CORIN: variants seen among roughly 807,000 people sequenced by gnomAD.
CORIN encodes the protein corin, serine peptidase.
In CORIN, 117 loss-of-function variants were observed where a neutral mutation model predicts 125.3. The observed-to-expected ratio is 0.93, with a 90% CI of 0.80 to 1.09. The LOEUF is 1.09. Ranked by LOEUF, CORIN falls within the 50% of genes least tolerant of loss-of-function variation. CORIN has a pLI of 0.00. For synonymous variants in CORIN, 450 were observed against 466.4 expected (o/e 0.96, Z 0.45); for missense variants, 1,253 against 1,306.7 (o/e 0.96, Z 0.63).
intron 3 of CORIN, among the ~76,000 whole-genome samples, chr4:47,766,053 G>A (rs111844708): frequency 1.0e-3 from 154 of 152,306 alleles, no homozygotes; most frequent in African/African-American, 3.6e-3. Flanking sequence ...TCTTTGAAAA[G>A]TAGCCGGTTC....
chr4:47,822,569 C>T (rs563716603), intron 1 of CORIN, among the ~76,000 whole-genome samples: 1 of 152,302 alleles, frequency 6.6e-6, no homozygotes, highest in South Asian at 2.1e-4. Flanking sequence ...TTGTAAATTA[C>T]AGGCCAGTTG....
intron 5 of CORIN, among the ~76,000 whole-genome samples, chr4:47,693,574 C>G (rs563497446): frequency 6.6e-6 from 1 of 152,208 alleles, no homozygotes; most frequent in Non-Finnish European, 1.5e-5. Context: ...TTGAACATAG[C>G]ATAGAGACCC....
intron 19 of CORIN, among the ~76,000 whole-genome samples, chr4:47,618,332 C>CA (rs57190153): frequency 0.41 from 44,656 of 107,988 alleles, 8,408 homozygotes; most frequent in Non-Finnish European, 0.48. Flanking sequence ...GAAACTCCAT[C>CA]AAAAAAAAAA....
In CORIN at chr4:47,642,061, A is replaced by T. The variant is rs1723254334; in HGVS notation, c.2069-12T>A. 6.2e-7 allele frequency: 1 copy of T among 1,611,116 alleles called. No individual in the cohort carries two copies. The highest frequency in any genetic ancestry group is 8.5e-7 in the Non-Finnish European group (1 of 1,178,678). On this transcript the variant is annotated splice_polypyrimidine_tract_variant and intron_variant, in intron 15 of 21. Coordinates refer to ENST00000273857, the MANE Select transcript of CORIN (RefSeq NM_006587.4). ...TATAGAGAGGGTCACTAGGGAAAGAAAAGACAAGGGAAACCCTAATTAAAA... is the reference window on the plus strand; with the variant it reads ...TATAGAGAGGGTCACTAGGGAAAGATAAGACAAGGGAAACCCTAATTAAAA...
chr4:47,763,322 T>C, intron 4 of CORIN, 57 bp downstream of exon 4: 1 of 1,410,988 alleles, frequency 7.1e-7, no homozygotes. Context: ...TTTTTTCTCC[T>C]AGGACACTTC....
intron 20 of CORIN, among the ~76,000 whole-genome samples, chr4:47,600,882 G>C (rs775320773): frequency 1.7e-4 from 26 of 152,216 alleles, no homozygotes; most frequent in Non-Finnish European, 3.1e-4. Context: ...ATATGACAGA[G>C]AGATATCGAA....
Position 47,786,752 on chromosome 4 carries a change from G to A in CORIN, c.382C>T (p.Pro128Ser). The change falls in exon 3 of 22, where the codon CCA becomes TCA. Residue 128 changes from proline (P) to serine (S), a missense_variant. By Grantham distance (74) the Pro-to-Ser change is moderately conservative (BLOSUM62 -1). Transcript: ENST00000273857. ...GTATTCCTGTGACTTTGGTCCCCTGGGAGAGAAGCATCCGTAGTCCAGGCT... is the reference window on the plus strand; with the variant it reads ...GTATTCCTGTGACTTTGGTCCCCTGAGAGAGAAGCATCCGTAGTCCAGGCT... Reference protein sequence around the residue: ...VPAWTTDASLPGDQSHRNTSA... With the variant: ...VPAWTTDASLSGDQSHRNTSA... 1.2e-6 allele frequency: 2 copies of A among 1,614,110 alleles called. No individual in the cohort carries two copies. The highest frequency in any genetic ancestry group is 1.3e-5 in the African/African-American group (1 of 75,016).
intron 17 of CORIN, among the ~76,000 whole-genome samples, chr4:47,624,712 G>A (rs1199047218): frequency 6.6e-6 from 1 of 151,976 alleles, no homozygotes; most frequent in Admixed American, 6.6e-5. Flanking sequence ...TCAATGTGAT[G>A]GCACAAGATA....
At chr4:47,670,889 G>A (rs566788848) in intron 10 of CORIN, among the ~76,000 whole-genome samples, 1 of 152,304 alleles carries the variant, frequency 6.6e-6, no homozygotes, top group East Asian at 1.9e-4. Flanking sequence ...GTTGTGACTG[G>A]ACATGGCAAC....
chr4:47,602,319 C>A (rs905092338), intron 20 of CORIN, among the ~76,000 whole-genome samples: 24 of 152,056 alleles, frequency 1.6e-4, no homozygotes, highest in African/African-American at 5.3e-4. Context: ...TAAAGTAGGT[C>A]AAACTGAATG....
At chr4:47,801,357 T>C (rs919445021) in intron 2 of CORIN, among the ~76,000 whole-genome samples, 3 of 152,202 alleles carry the variant, frequency 2.0e-5, no homozygotes, top group East Asian at 3.8e-4. Flanking sequence ...CCTGGTTAGA[T>C]ACAGGAGGCA....
intron 2 of CORIN, among the ~76,000 whole-genome samples, chr4:47,803,369 T>C (rs1731628429): frequency 6.6e-6 from 1 of 152,144 alleles, no homozygotes; most frequent in Non-Finnish European, 1.5e-5. Flanking sequence ...AAAATTTATA[T>C]GGAACCACAA....
At chr4:47,604,986 T>C (rs7674805) in intron 19 of CORIN, among the ~76,000 whole-genome samples, 123 of 152,306 alleles carry the variant, frequency 8.1e-4, no homozygotes, top group African/African-American at 2.6e-3. Flanking sequence ...ACCCAAGGAC[T>C]TTCTTGCTAA....
intron 1 of CORIN, among the ~76,000 whole-genome samples, chr4:47,816,746 C>T (rs570704316): frequency 6.6e-6 from 1 of 152,172 alleles, no homozygotes; most frequent in African/African-American, 2.4e-5. Context: ...CCGAGAAGGA[C>T]AATTTTTCAC....
chr4:47,775,426 T>G (rs534366516), intron 3 of CORIN, among the ~76,000 whole-genome samples: 4 of 152,074 alleles, frequency 2.6e-5, no homozygotes, highest in Non-Finnish European at 4.4e-5. Context: ...TGTCCAAGTG[T>G]TCTCATTGTT....
intron 17 of CORIN, among the ~76,000 whole-genome samples, chr4:47,624,587 G>A (rs1722475004): frequency 2.0e-5 from 3 of 152,144 alleles, no homozygotes; most frequent in Admixed American, 1.3e-4. Flanking sequence ...AACTTTAGAC[G>A]ACATGATCAG....
chr4:47,651,687 C>T (rs1031816549), intron 13 of CORIN, among the ~76,000 whole-genome samples: 8 of 152,122 alleles, frequency 5.3e-5, no homozygotes, highest in African/African-American at 1.9e-4. Flanking sequence ...ATAGTGCTGT[C>T]AATTATTTTT....
chr4:47,722,123 G>A (rs146534962), intron 5 of CORIN, among the ~76,000 whole-genome samples: 1 of 152,196 alleles, frequency 6.6e-6, no homozygotes, highest in East Asian at 1.9e-4. Context: ...CATCACTCAC[G>A]TTCCATTTTC....
At chr4:47,791,939 T>A (rs1731101429) in intron 2 of CORIN, among the ~76,000 whole-genome samples, 1 of 152,070 alleles carries the variant, frequency 6.6e-6, no homozygotes, top group Admixed American at 6.6e-5. Flanking sequence ...CTAAAAAATA[T>A]TAATATAAAC....
Sources: gnomAD v4.1 joint callset for allele counts (sites outside exome capture counted in the v4.1 genomes callset) on GRCh38, gnomAD v4.1.1 for gene constraint, MANE v1.5 for transcripts, NCBI Gene and HGNC (gene_info 2026-07-23, HGNC 2026-07-21) for gene names.